Variants in BOLL observed in about 807,000 individuals in gnomAD.
BOLL encodes the protein protein boule-like.
BOLL carries 23 observed loss-of-function variants against 44.4 expected under a neutral mutation model. The observed-to-expected ratio is 0.52, with a 90% CI of 0.37 to 0.73. The LOEUF is 0.73. Ranked by LOEUF, BOLL falls within the 30% of genes least tolerant of loss-of-function variation. The pLI is 0.00. For synonymous variants in BOLL, 97 were observed against 110.8 expected (o/e 0.88, Z 0.78); for missense variants, 287 against 338.3 (o/e 0.85, Z 1.19).
At chr2:197,781,647 G>A in intron 2 of BOLL, 75 bp downstream of exon 2, 3 of 1,283,556 alleles carry the variant, frequency 2.3e-6, no homozygotes, top group Non-Finnish European at 3.1e-6. Context: ...TTTTATAGTT[G>A]CACAAAGAAA....
chr2:197,728,999 G>A (rs182145918), intron 10 of BOLL, among the ~76,000 whole-genome samples: 2 of 152,140 alleles, frequency 1.3e-5, no homozygotes, highest in South Asian at 2.1e-4. Flanking sequence ...GAACAGCTCC[G>A]GTCTACAGCT....
At chr2:197,771,749 T>C in intron 6 of BOLL, 106 bp downstream of exon 6, 7 of 1,264,348 alleles carry the variant, frequency 5.5e-6, no homozygotes, top group Non-Finnish European at 7.4e-6. Flanking sequence ...GGTTGATGTG[T>C]GTTATTATTT....
At chr2:197,749,486 G>A (rs1688138697) in intron 9 of BOLL, among the ~76,000 whole-genome samples, 1 of 151,980 alleles carries the variant, frequency 6.6e-6, no homozygotes, top group East Asian at 1.9e-4. Context: ...TAAGAACCTT[G>A]ATAAAAGGTT....
Position 197,754,837 on chromosome 2 carries a change from G to C in BOLL, c.729+1591C>G, listed in dbSNP as rs969395285. Among the ~76,000 whole-genome samples the C allele has an allele frequency of 4.0e-5, 6 of 151,660 alleles. No homozygotes were observed. The East Asian group carries it at 9.7e-4, about 24-fold the overall frequency. ...TACTATTCATTCAGGACACAGGCAC[G>C]GGCAAAGACTTCATGATGAAAACAT... On this transcript the variant is annotated intron_variant, in intron 9 of 10. Coordinates refer to ENST00000392296, the MANE Select transcript of BOLL (RefSeq NM_033030.6).
At chr2:197,755,070 G>A (rs1688447313) in intron 9 of BOLL, among the ~76,000 whole-genome samples, 1 of 151,996 alleles carries the variant, frequency 6.6e-6, no homozygotes, top group Non-Finnish European at 1.5e-5. Flanking sequence ...AAAGAACCTC[G>A]TTAAAAAGTC....
At chr2:197,743,190 C>A in intron 9 of BOLL, 31 bp from the exon 10 acceptor site, 1 of 1,463,566 alleles carries the variant, frequency 6.8e-7, no homozygotes, top group East Asian at 2.4e-5. Context: ...AAAAATGTCA[C>A]CTTTCATCTA....
At chr2:197,751,828 C>T (rs1688269424) in intron 9 of BOLL, among the ~76,000 whole-genome samples, 1 of 144,384 alleles carries the variant, frequency 6.9e-6, no homozygotes, top group Non-Finnish European at 1.5e-5. Flanking sequence ...CAAAACCTGT[C>T]AGAAACCAAC....
rs563015470 is a variant in BOLL, at chr2:197,734,149, G to A, written c.829-5571C>T. Among the ~76,000 whole-genome samples, 112 of 151,376 alleles carry A rather than the reference G, an allele frequency of 7.4e-4. 1 individual carries two copies. The highest frequency in any genetic ancestry group is 2.5e-3 in the African/African-American group (102 of 41,186). ...CAAACAACCCCATCAAAAAGTGGGC[G>A]AAGGATATGAACAGACACTTCTCAA... On this transcript the variant is annotated intron_variant, in intron 10 of 10. Transcript: ENST00000392296.
At chr2:197,778,780 A>C (rs1689635237) in intron 3 of BOLL, among the ~76,000 whole-genome samples, 195 bp downstream of exon 3, 2 of 151,196 alleles carry the variant, frequency 1.3e-5, no homozygotes, top group Non-Finnish European at 3.0e-5. Flanking sequence ...ATTAAGAAAT[A>C]TTACAGTGTC....
At chr2:197,754,090 A>G (rs1688389689) in intron 9 of BOLL, among the ~76,000 whole-genome samples, 1 of 152,180 alleles carries the variant, frequency 6.6e-6, no homozygotes, top group East Asian at 1.9e-4. Flanking sequence ...GAACAATGAG[A>G]ACACATGGAC....
chr2:197,765,420 A>G (rs1042476351), intron 7 of BOLL, among the ~76,000 whole-genome samples: 30 of 152,050 alleles, frequency 2.0e-4, no homozygotes, highest in African/African-American at 7.0e-4. Context: ...GTTTTATACC[A>G]CTATAGGATG....
intron 5 of BOLL, among the ~76,000 whole-genome samples, 193 bp downstream of exon 5, chr2:197,775,472 A>T (rs1355388373): frequency 6.4e-5 from 5 of 78,262 alleles, no homozygotes. Context: ...ATGTATATAA[A>T]TTTTTTCCCA....
At chr2:197,750,839 T>G (rs1395033574) in intron 9 of BOLL, among the ~76,000 whole-genome samples, 1 of 152,186 alleles carries the variant, frequency 6.6e-6, no homozygotes, top group African/African-American at 2.4e-5. Context: ...ATCAACAGAA[T>G]ATACATTCTT....
chr2:197,733,781 C>G (rs1173911025), intron 10 of BOLL, among the ~76,000 whole-genome samples: 1 of 152,116 alleles, frequency 6.6e-6, no homozygotes, highest in African/African-American at 2.4e-5. Flanking sequence ...GAAACTGGAT[C>G]CCTTCCTTAC....
Position 197,785,020 on chromosome 2 carries a change from T to C in BOLL, c.-16+36A>G. 3.0e-6 allele frequency: 3 copies of C among 985,990 alleles called. No individual in the cohort carries two copies. Among genetic ancestry groups the C allele is most frequent in the Non-Finnish European group, 3.6e-6 (3 of 829,950 alleles). 61.1% of individuals were successfully genotyped at this position (985,990 alleles called of 1,614,324 possible). ...ATCAACCTCGAGATCTAGCATCTAT[T>C]TTGCAAACGAAGACAGCAGGAACGG... is the stretch of plus-strand genomic sequence containing the variant. On this transcript the variant is annotated intron_variant, in intron 1 of 10. Coordinates refer to ENST00000392296, the MANE Select transcript of BOLL (RefSeq NM_033030.6). The surrounding 1 kb of genome is among the most constrained non-coding windows in gnomAD (Gnocchi z 6.7).
At chr2:197,735,485 A>T (rs1238860827) in intron 10 of BOLL, among the ~76,000 whole-genome samples, 1 of 152,082 alleles carries the variant, frequency 6.6e-6, no homozygotes, top group Non-Finnish European at 1.5e-5. Context: ...TGCCTGTAAT[A>T]TTTAACTCAC....
At chr2:197,771,799 A>G in intron 6 of BOLL, 56 bp downstream of exon 6, 9 of 1,445,134 alleles carry the variant, frequency 6.2e-6, no homozygotes, top group Non-Finnish European at 8.4e-6. Context: ...AATATAACAA[A>G]CATTAAAAAA....
intron 10 of BOLL, among the ~76,000 whole-genome samples, chr2:197,741,404 A>T (rs1375932612): frequency 1.3e-5 from 2 of 151,922 alleles, no homozygotes; most frequent in Admixed American, 6.6e-5. Context: ...GGTTTTCTAG[A>T]TATACAATAC....
intron 2 of BOLL, among the ~76,000 whole-genome samples, chr2:197,780,060 C>T (rs1240568165): frequency 6.6e-6 from 1 of 151,898 alleles, no homozygotes; most frequent in African/African-American, 2.4e-5. Flanking sequence ...ACTTTTATTT[C>T]AGTTAACAGA....
Sources: allele counts gnomAD v4.1 joint callset (sites outside exome capture counted in the v4.1 genomes callset), GRCh38; gene constraint gnomAD v4.1.1; non-coding constraint Gnocchi (gnomAD v3.1); transcripts MANE v1.5; gene names NCBI Gene and HGNC (gene_info 2026-07-23, HGNC 2026-07-21).